VSIG4: variants seen among roughly 807,000 people sequenced by gnomAD.
The protein encoded by VSIG4 is V-set and immunoglobulin domain containing 4.
A neutral mutation model predicts 23.4 loss-of-function variants in VSIG4; 34 were observed. The ratio of observed to expected loss-of-function variants is 1.45; its 90% CI spans 1.10 to 1.93. VSIG4 has a LOEUF of 1.93. Ranked by LOEUF, VSIG4 falls within the 30% of genes most tolerant of loss-of-function variation. The pLI, the probability that VSIG4 is intolerant of heterozygous loss-of-function variation, is 0.00. For missense variants in VSIG4, 433 were observed against 310.8 expected, an observed-to-expected ratio of 1.39 and a Z score of -2.96; for synonymous variants, 169 against 120.3, an observed-to-expected ratio of 1.41 and a Z score of -2.65.
chrX:66,030,384 CAT>C (rs778805421), intron 3 of VSIG4, among the ~76,000 whole-genome samples: 1 of 111,309 alleles, frequency 9.0e-6, no homozygotes, highest in African/African-American at 3.3e-5. Flanking sequence ...TGAAAAATAA[CAT>C]ATATATATGT....
chrX:66,038,077 A>G (rs1371766665), intron 1 of VSIG4, among the ~76,000 whole-genome samples: 1 of 111,198 alleles, frequency 9.0e-6, no homozygotes, highest in Non-Finnish European at 1.9e-5. Context: ...AACTTATATA[A>G]TAGATGTTTA....
At chrX:66,039,781 T>C (rs1284949232) in intron 1 of VSIG4, among the ~76,000 whole-genome samples, 163 bp downstream of exon 1, 1 of 112,631 alleles carries the variant, frequency 8.9e-6, no homozygotes, top group Non-Finnish European at 1.9e-5. Flanking sequence ...AGCCTTCAAC[T>C]ACATCCATCC....
At chrX:66,027,660 C>G (rs2085408457) in intron 4 of VSIG4, 134 bp from the exon 5 acceptor site, 2 of 509,772 alleles carry the variant, frequency 3.9e-6, no homozygotes, top group Non-Finnish European at 3.5e-6. Context: ...ACCATGTTAT[C>G]AACCACTAGT....
intron 5 of VSIG4, among the ~76,000 whole-genome samples, chrX:66,027,188 C>T (rs1222829656): frequency 1.8e-5 from 2 of 111,646 alleles, no homozygotes; most frequent in Admixed American, 1.9e-4. Flanking sequence ...AAGCATATTA[C>T]TATGACAACA....
chrX:66,032,655 AC>A lies in VSIG4; in HGVS notation c.506del (p.Gly169ValfsTer22). The A allele has an allele frequency of 8.3e-7, 1 of 1,211,174 alleles. No individual in the cohort carries two copies. The highest frequency in any genetic ancestry group is 1.1e-6 in the Non-Finnish European group (1 of 895,317). On this transcript the variant is annotated frameshift_variant, in exon 3 of 8. Transcript: ENST00000374737. LOFTEE classifies it high-confidence loss of function. ...MRISLQCQAR[G>X]SPPISYIWYK... Reference sequence around the variant, plus strand: ...ACCAAATATAACTGATGGGAGGAGAACCCCGAGCCTGGCATTGAAGGCTAAT... The same window carrying A: ...ACCAAATATAACTGATGGGAGGAGAACCCGAGCCTGGCATTGAAGGCTAAT...
At chrX:66,036,926 T>TGA (rs1427547939) in intron 1 of VSIG4, among the ~76,000 whole-genome samples, 8 of 38,471 alleles carry the variant, frequency 2.1e-4, no homozygotes, top group African/African-American at 4.4e-4. Context: ...ATATATTATA[T>TGA]TATATGATAT....
chrX:66,022,441 C>G lies in VSIG4; in HGVS notation c.1022G>C (p.Ser341Thr), dbSNP rs778843258. The G allele has an allele frequency of 2.6e-5, 32 of 1,210,921 alleles. No individual in the cohort carries two copies. Among genetic ancestry groups the G allele is most frequent in the Non-Finnish European group, 3.5e-5 (31 of 895,408 alleles). ...GETMRVAIFA[S>T]GCSSDEPTSQ... Reference sequence around the variant, plus strand: ...AGTTGGCTCATCACTGGAGCAGCCACTTGCGAAGATGGCCACCCTCATGGT... The same window carrying G: ...AGTTGGCTCATCACTGGAGCAGCCAGTTGCGAAGATGGCCACCCTCATGGT... Residue 341 changes from serine (S) to threonine (T), a missense_variant, in exon 8 of 8, where the codon AGT (serine) becomes ACT (threonine). Physicochemically the swap from Ser to Thr is moderately conservative, Grantham distance 58. Coordinates refer to ENST00000374737, the MANE Select transcript of VSIG4 (RefSeq NM_007268.3).
chrX:66,025,053 G>T lies in VSIG4; in HGVS notation c.912C>A (p.Ile304=). 1 of 1,203,326 alleles carries T rather than the reference G, an allele frequency of 8.3e-7. No homozygotes were observed. Among genetic ancestry groups the T allele is most frequent in the South Asian group, 1.8e-5 (1 of 55,336 alleles). The part of the protein sequence containing the change: ...CCMVVFTMAY[I]MLCRKTSQQE... ...GTTGGGATGTCTTCCGACAGAGCAT[G>T]ATATAGGCCATGGTAAAAACCACCA... Residue 304 remains isoleucine (I), a synonymous_variant, in exon 6 of 8, where the codon ATC becomes ATA. Transcript: ENST00000374737.
chrX:66,023,010 T>C (rs2085350922), intron 6 of VSIG4, 148 bp from the exon 7 acceptor site: 3 of 598,344 alleles, frequency 5.0e-6, no homozygotes, highest in Non-Finnish European at 2.6e-6. Flanking sequence ...CTGGGAGGTA[T>C]TGGGGAGGTG....
intron 3 of VSIG4, 79 bp downstream of exon 3, chrX:66,032,389 T>C: frequency 9.0e-7 from 1 of 1,111,919 alleles, no homozygotes; most frequent in Non-Finnish European, 1.2e-6. Flanking sequence ...AATTCTTCTT[T>C]TGCATAAGGG....
chrX:66,029,046 A>G (rs1457277119), intron 3 of VSIG4, among the ~76,000 whole-genome samples: 1 of 111,958 alleles, frequency 8.9e-6, no homozygotes, highest in Non-Finnish European at 1.9e-5. Flanking sequence ...GGCCACACAC[A>G]AGCACAGGGC....
At chrX:66,028,840 G>C (rs754589976) in intron 3 of VSIG4, among the ~76,000 whole-genome samples, 2 of 110,886 alleles carry the variant, frequency 1.8e-5, no homozygotes, top group Admixed American at 1.9e-4. Flanking sequence ...TGACTCAAAA[G>C]ACTTGTTTTA....
At chrX:66,039,822 G>C (rs1374746870) in intron 1 of VSIG4, 122 bp downstream of exon 1, 2 of 808,647 alleles carry the variant, frequency 2.5e-6, no homozygotes, top group Admixed American at 6.0e-5. Context: ...AGCCTGCAGA[G>C]TTTGGCTGAG....
chrX:66,022,959 T>C, intron 6 of VSIG4, 97 bp from the exon 7 acceptor site: 8 of 918,758 alleles, frequency 8.7e-6, no homozygotes, highest in South Asian at 2.1e-5. Flanking sequence ...GAGGGAAGGG[T>C]ACAGAGGAGG....
At chrX:66,030,926 T>C (rs1841324742) in intron 3 of VSIG4, among the ~76,000 whole-genome samples, 1 of 109,953 alleles carries the variant, frequency 9.1e-6, no homozygotes, top group Non-Finnish European at 1.9e-5. Flanking sequence ...CAGAGTGAGG[T>C]GGAAGGGTGA....
intron 1 of VSIG4, among the ~76,000 whole-genome samples, chrX:66,036,679 T>A (rs1297753335): frequency 1.6e-5 from 1 of 60,687 alleles, no homozygotes; most frequent in Admixed American, 2.8e-4. Context: ...ATAATATATA[T>A]AATACGATAT....
intron 3 of VSIG4, among the ~76,000 whole-genome samples, chrX:66,031,907 G>C (rs1243855849): frequency 3.6e-5 from 4 of 111,807 alleles, no homozygotes; most frequent in African/African-American, 1.3e-4. Context: ...AGATATATTA[G>C]ATCAAGCCTA....
At chrX:66,023,389 G>C (rs952348212) in intron 6 of VSIG4, among the ~76,000 whole-genome samples, 1 of 111,870 alleles carries the variant, frequency 8.9e-6, no homozygotes, top group Admixed American at 9.4e-5. Flanking sequence ...CCTATATTCC[G>C]TACAGGCTCA....
chrX:66,035,812 C>G (rs1224895606), intron 1 of VSIG4, among the ~76,000 whole-genome samples: 1 of 112,315 alleles, frequency 8.9e-6, no homozygotes, highest in Non-Finnish European at 1.9e-5. Context: ...CTCTGAAAAG[C>G]ATTCTCACAT....
Sources: allele counts gnomAD v4.1 joint callset (sites outside exome capture counted in the v4.1 genomes callset), GRCh38; gene constraint gnomAD v4.1.1; transcripts MANE v1.5; gene names NCBI Gene and HGNC (gene_info 2026-07-23, HGNC 2026-07-21).